PRKN: variants seen among roughly 807,000 people sequenced by gnomAD.
PRKN encodes the protein E3 ubiquitin-protein ligase parkin.
PRKN carries 56 observed loss-of-function variants against 59.5 expected under a neutral mutation model. That is an observed-to-expected ratio of 0.94 (90% confidence interval 0.76 to 1.18). The LOEUF is 1.18. PRKN is among the 50% of genes most tolerant of loss of function. PRKN has a pLI of 0.00. For synonymous variants in PRKN, 250 were observed against 222.1 expected, an observed-to-expected ratio of 1.13 and a Z score of -1.12; for missense variants, 657 against 596.4, an observed-to-expected ratio of 1.10 and a Z score of -1.06.
intron 4 of PRKN, among the ~76,000 whole-genome samples, chr6:162,091,493 C>A (rs185811274): frequency 6.6e-6 from 1 of 152,116 alleles, no homozygotes; most frequent in South Asian, 2.1e-4. Flanking sequence ...TCTAGGATTG[C>A]GATCCCATTA....
chr6:161,792,872 T>C (rs1048659703), intron 6 of PRKN, among the ~76,000 whole-genome samples: 9 of 152,238 alleles, frequency 5.9e-5, no homozygotes, highest in Non-Finnish European at 1.0e-4. Context: ...ACTGTCACTT[T>C]AAGCCCCTTT....
intron 1 of PRKN, among the ~76,000 whole-genome samples, chr6:162,489,837 T>C (rs1454441166): frequency 1.3e-5 from 2 of 152,212 alleles, no homozygotes; most frequent in Non-Finnish European, 2.9e-5. Context: ...GATCACAGTC[T>C]CTTTGCTTCC....
At chr6:161,645,880 T>C (rs1039720964) in intron 7 of PRKN, among the ~76,000 whole-genome samples, 6 of 152,274 alleles carry the variant, frequency 3.9e-5, no homozygotes, top group African/African-American at 7.2e-5. Flanking sequence ...GTCTCAGCCA[T>C]GCCAGCGCAG....
intron 1 of PRKN, among the ~76,000 whole-genome samples, chr6:162,622,305 T>G (rs1195069476): frequency 2.0e-5 from 3 of 151,052 alleles, no homozygotes; most frequent in Admixed American, 6.6e-5. Flanking sequence ...TTTTTTTTGT[T>G]TTGTTTTTTT....
At chr6:161,976,633 A>ACAC (rs1419141238) in intron 5 of PRKN, among the ~76,000 whole-genome samples, 1 of 152,214 alleles carries the variant, frequency 6.6e-6, no homozygotes, top group Non-Finnish European at 1.5e-5. Context: ...GAGATTTAAA[A>ACAC]CAATGTCTGA....
intron 1 of PRKN, among the ~76,000 whole-genome samples, chr6:162,716,576 C>T (rs1337174838): frequency 6.6e-6 from 1 of 152,182 alleles, no homozygotes; most frequent in African/African-American, 2.4e-5. Flanking sequence ...CATAACAAAA[C>T]TTCCCCTTCT....
At chr6:161,834,522 G>A (rs1431315458) in intron 6 of PRKN, among the ~76,000 whole-genome samples, 1 of 152,132 alleles carries the variant, frequency 6.6e-6, no homozygotes, top group African/African-American at 2.4e-5. Context: ...CTGATGCTCC[G>A]TTTGAATAAC....
intron 8 of PRKN, among the ~76,000 whole-genome samples, chr6:161,563,897 A>G (rs926448940): frequency 6.6e-6 from 1 of 152,214 alleles, no homozygotes; most frequent in African/African-American, 2.4e-5. Context: ...GAATATAAAC[A>G]GCATTTAAAA....
rs116422429 is a variant in PRKN, at chr6:162,294,157, T to C, written c.172-31392A>G. Among the ~76,000 whole-genome samples the C allele has an allele frequency of 8.4e-4, 128 of 152,142 alleles. 1 individual carries two copies. The highest frequency in any genetic ancestry group is 3.0e-3 in the African/African-American group (126 of 41,512). On this transcript the variant is annotated intron_variant, in intron 2 of 11. Transcript: ENST00000366898. ...GATGCAGAAAAGAGGTTTCCAGCGG[T>C]GCAAATGTACTAAGAGTTCATGAAA...
chr6:162,207,937 C>G (rs550824235), intron 3 of PRKN, among the ~76,000 whole-genome samples: 132 of 152,266 alleles, frequency 8.7e-4, no homozygotes, highest in African/African-American at 3.0e-3. Flanking sequence ...AGAATGCAGC[C>G]ATGATCATTC....
intron 6 of PRKN, among the ~76,000 whole-genome samples, chr6:161,861,219 A>G (rs1007325146): frequency 3.3e-5 from 5 of 152,232 alleles, no homozygotes; most frequent in African/African-American, 1.2e-4. Flanking sequence ...TGTGGCACAT[A>G]TACACCATGG....
chr6:161,992,766 C>T (rs1019190183), intron 5 of PRKN, among the ~76,000 whole-genome samples: 2 of 152,002 alleles, frequency 1.3e-5, no homozygotes, highest in Admixed American at 6.6e-5. Context: ...TCTTTTCAGA[C>T]AACAACAGAA....
chr6:162,710,228 T>C (rs541332562), intron 1 of PRKN, among the ~76,000 whole-genome samples: 3 of 152,012 alleles, frequency 2.0e-5, no homozygotes, highest in Non-Finnish European at 4.4e-5. Flanking sequence ...CCTTGTTGAT[T>C]AACACGGAGC....
At chr6:162,046,822 C>T (rs9458441) in intron 5 of PRKN, among the ~76,000 whole-genome samples, 67,313 of 151,624 alleles carry the variant, frequency 0.44, 15,187 homozygotes, top group Admixed American at 0.51. Flanking sequence ...TTTTCATATA[C>T]AAACGAAATT....
At chr6:161,867,763 T>TTATG (rs1794181151) in intron 6 of PRKN, among the ~76,000 whole-genome samples, 3 of 150,722 alleles carry the variant, frequency 2.0e-5, no homozygotes, top group African/African-American at 7.3e-5. Context: ...ATTTATTTAT[T>TTATG]TATTTATTTA....
intron 1 of PRKN, among the ~76,000 whole-genome samples, chr6:162,543,167 T>C (rs1778990022): frequency 6.6e-6 from 1 of 152,152 alleles, no homozygotes; most frequent in Non-Finnish European, 1.5e-5. Context: ...AATTTTCCTC[T>C]GCTGGGAAAA....
At position 161,582,826 on chromosome 6, in the gene PRKN, T is replaced by C. The variant is rs1168990380; in HGVS notation, c.872-13410A>G. Among the ~76,000 whole-genome samples, 3 of 152,068 alleles carry C rather than the reference T, an allele frequency of 2.0e-5. No individual in the cohort carries two copies. The highest frequency in any genetic ancestry group is 2.9e-5 in the Non-Finnish European group (2 of 68,020). ...CAGAGCTGTCGTCTTATGACTCAGA[T>C]CCATGTTCACCCAGGTTGGGAAGCT... On this transcript the variant is annotated intron_variant, in intron 7 of 11. Coordinates refer to ENST00000366898, the MANE Select transcript of PRKN (RefSeq NM_004562.3). The surrounding 1 kb of genome is among the most constrained non-coding windows in gnomAD (Gnocchi z 4.4).
At chr6:161,914,041 C>A (rs186654714) in intron 6 of PRKN, among the ~76,000 whole-genome samples, 3 of 152,272 alleles carry the variant, frequency 2.0e-5, no homozygotes, top group Non-Finnish European at 2.9e-5. Flanking sequence ...TCAAGCCACT[C>A]GGTCTATGGT....
intron 2 of PRKN, among the ~76,000 whole-genome samples, chr6:162,269,007 C>CA (rs1780256222): frequency 6.6e-6 from 1 of 151,760 alleles, no homozygotes; most frequent in Non-Finnish European, 1.5e-5. Flanking sequence ...CAAAACAAAA[C>CA]AAACAAAAAG....
Sources: gnomAD v4.1 joint callset for allele counts (sites outside exome capture counted in the v4.1 genomes callset) on GRCh38, gnomAD v4.1.1 for gene constraint, Gnocchi (gnomAD v3.1) non-coding constraint, MANE v1.5 for transcripts, NCBI Gene and HGNC (gene_info 2026-07-23, HGNC 2026-07-21) for gene names.